The following AGBL2 variants were observed in gnomAD, a reference collection of about 807,000 sequenced individuals.
The protein encoded by AGBL2 is cytosolic carboxypeptidase 2.
AGBL2 carries 87 observed loss-of-function variants against 103.0 expected under a neutral mutation model. That is an observed-to-expected ratio of 0.84 (90% CI 0.71 to 1.01). The LOEUF is 1.01. Ranked by LOEUF, AGBL2 falls within the 50% of genes least tolerant of loss-of-function variation. The probability of loss-of-function intolerance (pLI) is 0.00; values close to 1 mark genes in which losing one functional copy is unlikely to be tolerated. For missense variants in AGBL2, 904 were observed against 1,023.5 expected, an observed-to-expected ratio of 0.88 and a Z score of 1.59; for synonymous variants, 335 against 356.7, an observed-to-expected ratio of 0.94 and a Z score of 0.69.
rs1385896853 is a variant in AGBL2 at position 47,660,323 on chromosome 11, T to C, written c.2559A>G (p.Val853=). Reference sequence around the variant, plus strand: ...TTATGGTTCTCTTTGGAGAGCATGATACTGTAAAGCCTGGCTTCTTATTCT... The same window carrying C: ...TTATGGTTCTCTTTGGAGAGCATGACACTGTAAAGCCTGGCTTCTTATTCT... ...RMQNKKPGFT[V]SCSPKRTINS... is the part of the protein sequence containing the mutation. The change falls in exon 19 of 19, where the codon GTA becomes GTG. Residue 853 remains valine (V), a synonymous_variant. Coordinates refer to ENST00000525123, the MANE Select transcript of AGBL2 (RefSeq NM_024783.4). 2.5e-6 allele frequency: 4 copies of C among 1,613,696 alleles called. No individual in the cohort carries two copies. Among genetic ancestry groups the C allele is most frequent in the Admixed American group, 1.7e-5 (1 of 59,836 alleles).
chr11:47,709,741 C>T (rs1347834614), intron 4 of AGBL2, among the ~76,000 whole-genome samples: 1 of 152,068 alleles, frequency 6.6e-6, no homozygotes, highest in African/African-American at 2.4e-5. Context: ...GCACCTGCCA[C>T]CATGCCCAGC....
chr11:47,711,286 C>T (rs1020821998), intron 3 of AGBL2, among the ~76,000 whole-genome samples: 25 of 151,992 alleles, frequency 1.6e-4, no homozygotes, highest in African/African-American at 5.6e-4. Flanking sequence ...GATGAACCAC[C>T]GAAGAGGAGA....
chr11:47,663,760 T>C (rs896619718), intron 17 of AGBL2, among the ~76,000 whole-genome samples: 9 of 151,992 alleles, frequency 5.9e-5, no homozygotes, highest in Non-Finnish European at 1.2e-4. Context: ...TTTTCCATGT[T>C]GGTCAGGCTG....
chr11:47,683,851 G>A (rs115193525), intron 11 of AGBL2, among the ~76,000 whole-genome samples: 4,192 of 151,616 alleles, frequency 0.028, 205 homozygotes, highest in African/African-American at 0.096. Flanking sequence ...GGGAGGCTGA[G>A]GTGGTGAGGC....
chr11:47,696,319 G>T (rs1426910418), intron 8 of AGBL2, among the ~76,000 whole-genome samples: 2 of 151,922 alleles, frequency 1.3e-5, no homozygotes, highest in Non-Finnish European at 2.9e-5. Flanking sequence ...CTGGAGTGCA[G>T]TGGTGTGATC....
chr11:47,672,834 C>T (rs1239356536), intron 14 of AGBL2, among the ~76,000 whole-genome samples: 1 of 152,124 alleles, frequency 6.6e-6, no homozygotes, highest in Non-Finnish European at 1.5e-5. Flanking sequence ...GAAGAGCCAT[C>T]CCTTTTCCAC....
intron 7 of AGBL2, among the ~76,000 whole-genome samples, chr11:47,702,687 A>G (rs1168535251): frequency 6.6e-6 from 1 of 151,874 alleles, no homozygotes. Context: ...CAGCCTGACC[A>G]AGATGGTGAA....
At chr11:47,712,064 G>A (rs1429741415) in intron 3 of AGBL2, among the ~76,000 whole-genome samples, 4 of 152,166 alleles carry the variant, frequency 2.6e-5, no homozygotes, top group East Asian at 3.9e-4. Context: ...AAAACAGACC[G>A]TCTAAAAAAT....
chr11:47,666,870 T>C (rs1164456125), intron 17 of AGBL2, 86 bp downstream of exon 17: 1 of 889,558 alleles, frequency 1.1e-6, no homozygotes, highest in Admixed American at 2.0e-5. Context: ...TAAATGGCTA[T>C]TACATTTGTC....
chr11:47,681,997 C>T lies in AGBL2; in HGVS notation c.1887G>A (p.Met629Ile), dbSNP rs1229841151. 9 of 1,614,098 alleles carry T rather than the reference C, an allele frequency of 5.6e-6. No individual in the cohort carries two copies. The highest frequency in any genetic ancestry group is 3.3e-5 in the Admixed American group (2 of 59,990). ...WRMGILNSYT[M>I]ESTFGGSTLG... ...GGGTGGACCCGCCAAAGGTAGACTC[C>T]ATGGTGTAGCTGTTTAGGATTCCCA... The change falls in exon 12 of 19, where the codon ATG (methionine) becomes ATA (isoleucine). Residue 629 changes from methionine (M) to isoleucine (I), a missense_variant. Coordinates refer to ENST00000525123, the MANE Select transcript of AGBL2 (RefSeq NM_024783.4).
At chr11:47,697,049 C>T (rs1285937264) in intron 8 of AGBL2, among the ~76,000 whole-genome samples, 31 of 151,864 alleles carry the variant, frequency 2.0e-4, no homozygotes, top group Admixed American at 2.0e-3. Flanking sequence ...CTGCCTCAGC[C>T]CCCCAAGTAG....
chr11:47,681,265 G>A (rs1326447882), intron 12 of AGBL2, among the ~76,000 whole-genome samples: 1 of 151,936 alleles, frequency 6.6e-6, no homozygotes, highest in Non-Finnish European at 1.5e-5. Flanking sequence ...CTGGGAGGTT[G>A]AGAATGCAGA....
At chr11:47,664,935 G>A (rs906511714) in intron 17 of AGBL2, among the ~76,000 whole-genome samples, 9 of 150,038 alleles carry the variant, frequency 6.0e-5, no homozygotes, top group African/African-American at 2.2e-4. Flanking sequence ...AGGCTGGGGT[G>A]CAGTGGTAGG....
chr11:47,694,960 C>T (rs1685856275), intron 8 of AGBL2, among the ~76,000 whole-genome samples: 1 of 151,358 alleles, frequency 6.6e-6, no homozygotes, highest in African/African-American at 2.4e-5. Context: ...ACCAGCCTGG[C>T]CAACATGGTG....
intron 6 of AGBL2, chr11:47,705,195 A>G (rs1484456397): frequency 1.3e-5 from 2 of 152,972 alleles, no homozygotes; most frequent in East Asian, 3.8e-4. Context: ...TTTCAGGGCC[A>G]TAATATAACC....
At chr11:47,673,985 G>A (rs1186860792) in intron 14 of AGBL2, among the ~76,000 whole-genome samples, 1 of 151,408 alleles carries the variant, frequency 6.6e-6, no homozygotes, top group Non-Finnish European at 1.5e-5. Flanking sequence ...CCAGCTAATC[G>A]AGAGGCTGAG....
intron 10 of AGBL2, among the ~76,000 whole-genome samples, chr11:47,689,309 T>TC: frequency 6.6e-6 from 1 of 150,542 alleles, no homozygotes; most frequent in South Asian, 2.1e-4. Context: ...TCAATTTTTT[T>TC]TTTTTTTTTT....
chr11:47,676,471 C>G (rs1340013064), intron 14 of AGBL2, among the ~76,000 whole-genome samples: 1 of 152,196 alleles, frequency 6.6e-6, no homozygotes, highest in African/African-American at 2.4e-5. Flanking sequence ...CTGCTTAGAA[C>G]TTCCCTCTTT....
chr11:47,687,210 A>C (rs1381509657), intron 10 of AGBL2, among the ~76,000 whole-genome samples: 2 of 151,808 alleles, frequency 1.3e-5, no homozygotes, highest in Non-Finnish European at 2.9e-5. Flanking sequence ...GCAATTCAGA[A>C]GGGTGCCTGG....
Sources: allele counts gnomAD v4.1 joint callset (sites outside exome capture counted in the v4.1 genomes callset), GRCh38; gene constraint gnomAD v4.1.1; transcripts MANE v1.5; gene names NCBI Gene and HGNC (gene_info 2026-07-23, HGNC 2026-07-21).